WAC: variants seen among roughly 807,000 people sequenced by gnomAD.
The protein encoded by WAC is WW domain containing adaptor with coiled-coil.
Under a neutral mutation model 79.6 loss-of-function variants are expected in WAC, and 11 were observed. The observed-to-expected ratio is 0.14, with a 90% CI of 0.09 to 0.23. The LOEUF is 0.23. Ranked by LOEUF, WAC falls within the 10% of genes least tolerant of loss-of-function variation. WAC has a pLI of 1.00. For missense variants in WAC, 728 were observed against 773.5 expected (o/e 0.94, Z 0.70); for synonymous variants, 304 against 276.9 (o/e 1.10, Z -0.97).
At chr10:28,554,925 T>C (rs332125) in intron 3 of WAC, among the ~76,000 whole-genome samples, 28,403 of 152,128 alleles carry the variant, frequency 0.19, 3,117 homozygotes, top group Non-Finnish European at 0.25. Flanking sequence ...AACTTAAAAG[T>C]TACTTCCTCT....
At chr10:28,560,989 A>C (rs2132484584) in intron 3 of WAC, among the ~76,000 whole-genome samples, 1 of 152,224 alleles carries the variant, frequency 6.6e-6, no homozygotes, top group South Asian at 2.1e-4. Context: ...GAACCTAGAG[A>C]ATGTCTACTG....
chr10:28,583,242 A>G (rs1468284868), intron 3 of WAC, among the ~76,000 whole-genome samples, 157 bp from the exon 4 acceptor site: 1 of 152,036 alleles, frequency 6.6e-6, no homozygotes, highest in Non-Finnish European at 1.5e-5. Flanking sequence ...CAGATACTTT[A>G]TATACTATAA....
rs148061892 is a variant in WAC at position 28,580,931 on chromosome 10, G to A, written c.275-2468G>A. The stretch of plus-strand genomic sequence containing the variant: ...GACTGTGACTTACTACAGTGGACAG[G>A]TGCAAAGAGAAAAGGCACATGGGGC... On this transcript the variant is annotated intron_variant, in intron 3 of 13. Transcript: ENST00000354911. 2.0e-3 allele frequency among the ~76,000 whole-genome samples: 312 copies of A among 152,238 alleles called. 1 individual carries two copies. Among genetic ancestry groups the A allele is most frequent in the African/African-American group, 7.2e-3 (300 of 41,536 alleles).
At chr10:28,538,288 C>T in intron 3 of WAC, 1 of 322,978 alleles carries the variant, frequency 3.1e-6, no homozygotes, top group South Asian at 2.3e-5. Flanking sequence ...GATTTTTATC[C>T]AAAAATGAAT....
intron 7 of WAC, among the ~76,000 whole-genome samples, chr10:28,596,678 C>T (rs1260068900): frequency 6.6e-6 from 1 of 152,160 alleles, no homozygotes; most frequent in Non-Finnish European, 1.5e-5. Context: ...ATAAAATTTG[C>T]ATAGACCATT....
intron 3 of WAC, among the ~76,000 whole-genome samples, chr10:28,560,503 T>C (rs1034510334): frequency 1.3e-5 from 2 of 152,220 alleles, no homozygotes; most frequent in Non-Finnish European, 2.9e-5. Context: ...TGTCGTCTTA[T>C]GCCTGAGATT....
chr10:28,598,385 CTTTCT>C (rs1028793067), intron 7 of WAC, among the ~76,000 whole-genome samples: 5 of 152,242 alleles, frequency 3.3e-5, no homozygotes, highest in African/African-American at 7.2e-5. Context: ...AGAACATGTT[CTTTCT>C]TTCATTGCTG....
At chr10:28,571,948 A>T (rs1161717585) in intron 3 of WAC, among the ~76,000 whole-genome samples, 2 of 152,198 alleles carry the variant, frequency 1.3e-5, no homozygotes, top group African/African-American at 4.8e-5. Flanking sequence ...ACACTAACCT[A>T]TATTTTTTCT....
intron 3 of WAC, among the ~76,000 whole-genome samples, chr10:28,544,774 C>G (rs1365795093): frequency 6.6e-6 from 1 of 152,010 alleles, no homozygotes; most frequent in Admixed American, 6.6e-5. Flanking sequence ...GTTAAAAAAA[C>G]AGAAAACGGC....
At chr10:28,569,952 G>A (rs1025738784) in intron 3 of WAC, among the ~76,000 whole-genome samples, 1 of 152,112 alleles carries the variant, frequency 6.6e-6, no homozygotes, top group Non-Finnish European at 1.5e-5. Context: ...GGTTATCAAT[G>A]GCTCTATCCA....
chr10:28,564,595 A>C (rs1384149770), intron 3 of WAC, among the ~76,000 whole-genome samples: 1 of 152,256 alleles, frequency 6.6e-6, no homozygotes. Flanking sequence ...AGGCAGGAGA[A>C]TAGACATAAA....
chr10:28,602,110 A>G (rs1840674292), intron 7 of WAC, among the ~76,000 whole-genome samples: 1 of 152,224 alleles, frequency 6.6e-6, no homozygotes, highest in Non-Finnish European at 1.5e-5. Context: ...GAAAATTAAG[A>G]TTACTAGGAG....
intron 3 of WAC, among the ~76,000 whole-genome samples, chr10:28,579,068 C>CT (rs1476848821): frequency 6.6e-6 from 1 of 152,040 alleles, no homozygotes; most frequent in Non-Finnish European, 1.5e-5. Context: ...TAAGACTTAA[C>CT]TTTATCAGTC....
chr10:28,536,816 A>G (rs1836704481), intron 3 of WAC, among the ~76,000 whole-genome samples: 1 of 152,236 alleles, frequency 6.6e-6, no homozygotes, highest in Admixed American at 6.5e-5. Flanking sequence ...TTCAGTAAAG[A>G]CACCTATATT....
At chr10:28,584,301 A>G (rs982243406) in intron 4 of WAC, among the ~76,000 whole-genome samples, 2 of 152,342 alleles carry the variant, frequency 1.3e-5, no homozygotes, top group East Asian at 3.9e-4. Flanking sequence ...TCTGGACTTC[A>G]TAGCATACAA....
chr10:28,543,180 C>T (rs760510090), intron 3 of WAC, among the ~76,000 whole-genome samples: 5 of 152,134 alleles, frequency 3.3e-5, no homozygotes, highest in East Asian at 1.9e-4. Context: ...AACAAGATCT[C>T]GGGTGATACC....
At chr10:28,608,089 T>TA (rs1196857595) in intron 7 of WAC, 97 bp from the exon 8 acceptor site, 7 of 1,392,364 alleles carry the variant, frequency 5.0e-6, no homozygotes, top group South Asian at 1.3e-5. Context: ...TGAGATTACT[T>TA]ACGTTAGGTG....
In WAC at chr10:28,619,945, C is replaced by T. The variant is rs1205192953; in HGVS notation, c.*339C>T. On this transcript the variant is annotated 3_prime_UTR_variant, in exon 14 of 14. Transcript: ENST00000354911. ...AGCCTTTTACATGTAAACCTGTCTGCAAAATTAGCTTTTTTAAAAAAAAAA... is the reference window on the plus strand; with the variant it reads ...AGCCTTTTACATGTAAACCTGTCTGTAAAATTAGCTTTTTTAAAAAAAAAA... 1 of 153,364 alleles carries T rather than the reference C, an allele frequency of 6.5e-6. No individual in the cohort carries two copies. The highest frequency in any genetic ancestry group is 1.4e-5 in the Non-Finnish European group (1 of 73,756). The allele number at this position is 153,364 out of a possible 1,614,324, so 9.5% of individuals were successfully genotyped here. A position where few individuals can be genotyped will look rare whatever the true frequency, so the allele number is the denominator to read the frequency against.
intron 3 of WAC, among the ~76,000 whole-genome samples, chr10:28,582,423 T>G (rs1839586124): frequency 1.3e-5 from 2 of 152,212 alleles, no homozygotes; most frequent in African/African-American, 4.8e-5. Context: ...TTGTTTCTAT[T>G]GATTGAAATA....
Sources: allele counts gnomAD v4.1 joint callset (sites outside exome capture counted in the v4.1 genomes callset), GRCh38; gene constraint gnomAD v4.1.1; transcripts MANE v1.5; gene names NCBI Gene and HGNC (gene_info 2026-07-23, HGNC 2026-07-21).